Variants in DHX37 observed in about 807,000 individuals in gnomAD.
DHX37 encodes the protein probable ATP-dependent RNA helicase DHX37.
Under a neutral mutation model 134.3 loss-of-function variants are expected in DHX37, and 52 were observed. That is an observed-to-expected ratio of 0.39 (90% confidence interval 0.31 to 0.49). The LOEUF (loss-of-function observed/expected upper bound fraction) is 0.49. Ranked by LOEUF, DHX37 falls within the 20% of genes least tolerant of loss-of-function variation. The probability of loss-of-function intolerance (pLI) is 0.93; values close to 1 mark genes in which losing one functional copy is unlikely to be tolerated. For missense variants in DHX37, 1,344 were observed against 1,580.8 expected, an observed-to-expected ratio of 0.85 and a Z score of 2.54; for synonymous variants, 634 against 670.7, an observed-to-expected ratio of 0.95 and a Z score of 0.85.
intron 20 of DHX37, 42 bp from the exon 21 acceptor site, chr12:124,952,612 C>T (rs376652312): frequency 6.5e-5 from 100 of 1,530,480 alleles, no homozygotes; most frequent in Admixed American, 5.7e-4. Flanking sequence ...TGGCAAGGCC[C>T]GGAGCCAGCT....
chr12:124,956,980 G>A (rs2135934725), intron 17 of DHX37, 49 bp downstream of exon 17: 6 of 1,523,446 alleles, frequency 3.9e-6, no homozygotes, highest in Non-Finnish European at 5.3e-6. Flanking sequence ...AAAAGGGAGA[G>A]AGGGCCCTGA....
At chr12:124,973,198 A>G (rs1184006466) in intron 6 of DHX37, among the ~76,000 whole-genome samples, 4 of 152,086 alleles carry the variant, frequency 2.6e-5, no homozygotes, top group Non-Finnish European at 4.4e-5. Context: ...TGGGTGGATC[A>G]CCTGAGGTGA....
intron 15 of DHX37, among the ~76,000 whole-genome samples, chr12:124,963,169 G>A (rs776870585): frequency 2.6e-5 from 4 of 152,208 alleles, no homozygotes; most frequent in South Asian, 2.1e-4. Context: ...ATTCAGCCAC[G>A]GCCAGGAACG....
chr12:124,973,727 C>T (rs1011919435), intron 6 of DHX37, among the ~76,000 whole-genome samples: 3 of 150,094 alleles, frequency 2.0e-5, no homozygotes, highest in African/African-American at 7.4e-5. Flanking sequence ...TGGCAACCTC[C>T]GCCTCTCGGG....
rs1325280757 is a variant in DHX37 at position 124,966,815 on chromosome 12, C to G, written c.1568G>C (p.Arg523Thr). ...EMRKFKKSRA[R>T]AKKARAEVLP... ...TACCTCAGCCCGCGCCTTCTTGGCC[C>G]TGGCCCTTGACTTCTTAAACTTCCG... Residue 523 changes from arginine to threonine, a missense_variant, in exon 12 of 27, where the codon AGG becomes ACG. By Grantham distance (71) the Arg-to-Thr change is moderately conservative. Coordinates refer to ENST00000308736, the MANE Select transcript of DHX37 (RefSeq NM_032656.4). 1.2e-6 allele frequency: 2 copies of G among 1,614,136 alleles called. No homozygotes were observed. The highest frequency in any genetic ancestry group is 2.7e-5 in the African/African-American group (2 of 74,954).
chr12:124,961,730 A>T (rs1212721001), intron 15 of DHX37, among the ~76,000 whole-genome samples: 3 of 152,124 alleles, frequency 2.0e-5, no homozygotes, highest in Non-Finnish European at 4.4e-5. Flanking sequence ...CCTGGCCTAA[A>T]GAACTCTTAC....
chr12:124,980,798 T>C lies in DHX37; in HGVS notation c.430A>G (p.Ser144Gly). The change falls in exon 4 of 27, where the codon AGT (serine) becomes GGT (glycine). Residue 144 changes from serine (S) to glycine (G), a missense_variant. Around this residue, in one of 7 missense-constraint regions of DHX37, gnomAD observed 319 missense variants for 296.1 expected, o/e 1.08. Transcript: ENST00000308736. The surrounding 1 kb of genome is among the most constrained non-coding windows in gnomAD (Gnocchi z 5.3). ...EVVAPGQEKI[S>G]SLSGAHRKRR... is the part of the protein sequence containing the mutation. ...TTCCGGTGGGCACCGCTGAGGCTAC[T>C]GATCTTCTCCTGGCCCGGGGCTACC... 9 of 1,558,276 alleles carry C rather than the reference T, an allele frequency of 5.8e-6. No individual in the cohort carries two copies. Among genetic ancestry groups the C allele is most frequent in the Non-Finnish European group, 7.8e-6 (9 of 1,153,918 alleles).
In DHX37 at chr12:124,954,086, C is replaced by T; in HGVS notation, c.2578+1G>A. The stretch of plus-strand genomic sequence containing the variant: ...CACCCTCCAACGGGCAGGGCACAAA[C>T]CCAGCAGCACCATGAGGTCGCCGAG... On this transcript the variant is annotated splice_donor_variant, in intron 19 of 26. Coordinates refer to ENST00000308736, the MANE Select transcript of DHX37 (RefSeq NM_032656.4). LOFTEE classifies it high-confidence loss of function. The T allele has an allele frequency of 6.2e-7, 1 of 1,606,828 alleles. No individual in the cohort carries two copies. Among genetic ancestry groups the T allele is most frequent in the Non-Finnish European group, 8.5e-7 (1 of 1,175,544 alleles).
intron 22 of DHX37, 36 bp downstream of exon 22, chr12:124,950,654 A>G (rs752440046): frequency 8.7e-6 from 14 of 1,607,394 alleles, no homozygotes; most frequent in Admixed American, 6.8e-5. Context: ...TAGCGTCACC[A>G]TCGGGGGACA....
At chr12:124,948,223 A>G in intron 25 of DHX37, 42 bp from the exon 26 acceptor site, 2 of 1,597,426 alleles carry the variant, frequency 1.3e-6, no homozygotes, top group Non-Finnish European at 1.7e-6. Flanking sequence ...CAGCCAGGGC[A>G]CAGACCGGCT....
intron 15 of DHX37, among the ~76,000 whole-genome samples, chr12:124,960,649 A>T (rs1954218088): frequency 6.6e-6 from 1 of 152,140 alleles, no homozygotes; most frequent in African/African-American, 2.4e-5. Context: ...AATTGGTGAA[A>T]ATTAATTAGC....
At chr12:124,960,240 G>C in intron 16 of DHX37, 72 bp downstream of exon 16, 1 of 1,560,016 alleles carries the variant, frequency 6.4e-7, no homozygotes, top group Non-Finnish European at 8.7e-7. Flanking sequence ...CCCAGCTCTG[G>C]GCTCCCTGCC....
At chr12:124,975,115 C>T (rs561900159) in intron 6 of DHX37, among the ~76,000 whole-genome samples, 19 of 152,324 alleles carry the variant, frequency 1.2e-4, no homozygotes, top group Middle Eastern at 3.4e-3. Flanking sequence ...TAGATTAACC[C>T]GGCAATGCTA....
intron 4 of DHX37, among the ~76,000 whole-genome samples, chr12:124,978,483 AATTTTTGT>A (rs1459742431): frequency 6.0e-5 from 9 of 150,148 alleles, no homozygotes; most frequent in Admixed American, 6.0e-4. Flanking sequence ...ATGCCTGGCT[AATTTTTGT>A]ATTTTCAGTA....
At chr12:124,974,992 T>G (rs981777918) in intron 6 of DHX37, among the ~76,000 whole-genome samples, 1 of 151,978 alleles carries the variant, frequency 6.6e-6, no homozygotes, top group Non-Finnish European at 1.5e-5. Flanking sequence ...GTCAGGTTGG[T>G]CTCGAATTCC....
Position 124,952,384 on chromosome 12 carries a change from G to A in DHX37, c.2868+14C>T, listed in dbSNP as rs777335012. 6 of 1,598,280 alleles carry A rather than the reference G, an allele frequency of 3.8e-6. No homozygotes were observed. Among genetic ancestry groups the A allele is most frequent in the Admixed American group, 1.7e-5 (1 of 58,862 alleles). On this transcript the variant is annotated intron_variant, in intron 21 of 26. Coordinates refer to ENST00000308736, the MANE Select transcript of DHX37 (RefSeq NM_032656.4). Reference sequence around the variant, plus strand: ...CCCCAAGCTACCCGGGCAGGGAGGCGGTGGGGGCCGCACCTTGTAGGCGTT... The same window carrying A: ...CCCCAAGCTACCCGGGCAGGGAGGCAGTGGGGGCCGCACCTTGTAGGCGTT...
At chr12:124,981,940 A>G (rs1484403992) in intron 3 of DHX37, among the ~76,000 whole-genome samples, 3 of 151,792 alleles carry the variant, frequency 2.0e-5, no homozygotes, top group South Asian at 4.2e-4. Flanking sequence ...CCTGACCAAC[A>G]TGGAGAAACC....
rs376946837 is a variant in DHX37 at position 124,950,443 on chromosome 12, G to T, written c.3091C>A (p.Arg1031=). 1 of 1,592,436 alleles carries T rather than the reference G, an allele frequency of 6.3e-7. No individual in the cohort carries two copies. The highest frequency in any genetic ancestry group is 1.1e-5 in the South Asian group (1 of 88,142). Reference sequence around the variant, plus strand: ...ACGCTGGCCCGGTGACACAGCACCCGCCCCCGCTCGGGGCAGTATGTAGGG... The same window carrying T: ...ACGCTGGCCCGGTGACACAGCACCCTCCCCCGCTCGGGGCAGTATGTAGGG... ...PAPTYCPERG[R]VLCHRASVFY... The change falls in exon 23 of 27, where the codon CGG becomes AGG. Residue 1031 remains arginine, a synonymous_variant. Transcript: ENST00000308736.
intron 6 of DHX37, among the ~76,000 whole-genome samples, 192 bp from the exon 7 acceptor site, chr12:124,972,791 A>G (rs1424396169): frequency 6.6e-6 from 1 of 152,234 alleles, no homozygotes; most frequent in Non-Finnish European, 1.5e-5. Context: ...AGGGAAGGGA[A>G]GGAGCTGTTA....
Sources: gnomAD v4.1 joint callset for allele counts (sites outside exome capture counted in the v4.1 genomes callset) on GRCh38, gnomAD v4.1.1 for gene constraint, gnomAD v4.1.1 regional missense constraint, Gnocchi (gnomAD v3.1) non-coding constraint, MANE v1.5 for transcripts, NCBI Gene and HGNC (gene_info 2026-07-23, HGNC 2026-07-21) for gene names.